DCDC1: variants seen among roughly 807,000 people sequenced by gnomAD.
The protein encoded by DCDC1 is doublecortin domain-containing protein 1.
A neutral mutation model predicts 178.3 loss-of-function variants in DCDC1; 200 were observed. The ratio of observed to expected loss-of-function variants is 1.12; its 90% confidence interval spans 1.00 to 1.26. The LOEUF is 1.26. DCDC1 is among the 50% of genes most tolerant of loss of function. DCDC1 has a pLI of 0.00. For synonymous variants in DCDC1, 690 were observed against 604.8 expected, an observed-to-expected ratio of 1.14 and a Z score of -2.07; for missense variants, 1,983 against 1,749.2, an observed-to-expected ratio of 1.13 and a Z score of -2.38.
chr11:30,966,231 GT>G (rs1949437041), intron 20 of DCDC1, among the ~76,000 whole-genome samples: 1 of 97,732 alleles, frequency 1.0e-5, no homozygotes, highest in African/African-American at 4.2e-5. Flanking sequence ...GTGTAAAAGT[GT>G]TCCTATTTCT....
chr11:31,127,918 T>C (rs1240021832), intron 10 of DCDC1, among the ~76,000 whole-genome samples: 1 of 152,138 alleles, frequency 6.6e-6, no homozygotes, highest in Non-Finnish European at 1.5e-5. Flanking sequence ...AAGAAACATA[T>C]ACATTTGACA....
chr11:30,946,960 T>C (rs1026054590), intron 21 of DCDC1, among the ~76,000 whole-genome samples: 3 of 152,084 alleles, frequency 2.0e-5, no homozygotes, highest in Non-Finnish European at 4.4e-5. Context: ...AAAACAAGAA[T>C]CACAACAGGC....
chr11:30,890,322 A>T lies in DCDC1; in HGVS notation c.5082+2496T>A, dbSNP rs186089396. On this transcript the variant is annotated intron_variant, in intron 36 of 38. Transcript: ENST00000684477. ...CTTCCAATTTCTCTGTCCATGGGGC[A>T]CCTATTTAATACGCTTTATGAATTC... Among the ~76,000 whole-genome samples the T allele has an allele frequency of 1.4e-3, 217 of 152,296 alleles. 1 individual carries two copies. The highest frequency in any genetic ancestry group is 5.1e-3 in the African/African-American group (211 of 41,572).
intron 32 of DCDC1, among the ~76,000 whole-genome samples, chr11:30,902,919 A>G (rs1254271124): frequency 6.6e-6 from 1 of 152,186 alleles, no homozygotes; most frequent in Non-Finnish European, 1.5e-5. Context: ...ACACAGCTAT[A>G]AACAGATCAT....
intron 27 of DCDC1, among the ~76,000 whole-genome samples, chr11:30,912,473 G>A (rs915112975): frequency 9.9e-5 from 15 of 151,908 alleles, no homozygotes; most frequent in African/African-American, 3.6e-4. Context: ...TAGTAGAGAC[G>A]GGGTTTCACC....
intron 8 of DCDC1, among the ~76,000 whole-genome samples, chr11:31,244,616 T>C (rs1159822056): frequency 6.6e-6 from 1 of 151,794 alleles, no homozygotes; most frequent in Non-Finnish European, 1.5e-5. Flanking sequence ...TCTGTTTGCA[T>C]GATTGTGGTA....
chr11:31,280,797 T>C, intron 7 of DCDC1: 1 of 615,240 alleles, frequency 1.6e-6, no homozygotes. Context: ...TCCATCAGTG[T>C]ATCCTCTCCC....
At chr11:31,250,415 C>CACACATATATATATAT (rs1223526182) in intron 8 of DCDC1, among the ~76,000 whole-genome samples, 2 of 73,670 alleles carry the variant, frequency 2.7e-5, no homozygotes, top group African/African-American at 1.0e-4. Flanking sequence ...CACACACACA[C>CACACATATATATATAT]ATATACATAT....
chr11:31,169,856 A>G (rs1221193003), intron 9 of DCDC1, among the ~76,000 whole-genome samples: 1 of 152,192 alleles, frequency 6.6e-6, no homozygotes, highest in Non-Finnish European at 1.5e-5. Flanking sequence ...GGATGCAACC[A>G]ACCTAGGTCT....
At chr11:31,026,419 T>C (rs1329823023) in intron 20 of DCDC1, among the ~76,000 whole-genome samples, 1 of 151,828 alleles carries the variant, frequency 6.6e-6, no homozygotes, top group African/African-American at 2.4e-5. Flanking sequence ...AAACTTACGA[T>C]ATTGTGCGGC....
chr11:31,104,378 T>C (rs1258439353), intron 13 of DCDC1, among the ~76,000 whole-genome samples: 2 of 152,214 alleles, frequency 1.3e-5, no homozygotes, highest in Non-Finnish European at 2.9e-5. Context: ...ACCTCTGCAG[T>C]CTTGTTGCCA....
At chr11:31,059,495 C>T (rs1387607573) in intron 20 of DCDC1, among the ~76,000 whole-genome samples, 1 of 152,000 alleles carries the variant, frequency 6.6e-6, no homozygotes, top group Admixed American at 6.6e-5. Context: ...AGCTGAGTAT[C>T]TTCAATAGCT....
chr11:31,353,621 T>C (rs182514235), intron 1 of DCDC1, among the ~76,000 whole-genome samples: 26 of 152,330 alleles, frequency 1.7e-4, no homozygotes, highest in African/African-American at 6.3e-4. Flanking sequence ...CTTTAGATAA[T>C]ATTTTCTTAA....
intron 20 of DCDC1, among the ~76,000 whole-genome samples, chr11:30,974,296 T>A (rs1949984824): frequency 6.8e-6 from 1 of 146,764 alleles, no homozygotes; most frequent in African/African-American, 2.5e-5. Flanking sequence ...AAGAAAGATT[T>A]CAAACAATCT....
At chr11:31,327,950 G>A (rs375582551) in intron 3 of DCDC1, among the ~76,000 whole-genome samples, 167 bp downstream of exon 3, 4 of 151,950 alleles carry the variant, frequency 2.6e-5, no homozygotes, top group South Asian at 2.1e-4. Context: ...GGCTGGTCTC[G>A]AACTTCTAAC....
chr11:30,936,388 T>G (rs1229459952), intron 21 of DCDC1, among the ~76,000 whole-genome samples: 1 of 152,188 alleles, frequency 6.6e-6, no homozygotes, highest in Non-Finnish European at 1.5e-5. Flanking sequence ...TGATATGCTT[T>G]TTGAGAGTTT....
At chr11:31,329,159 C>T (rs527829683) in intron 2 of DCDC1, among the ~76,000 whole-genome samples, 14 of 152,046 alleles carry the variant, frequency 9.2e-5, no homozygotes, top group African/African-American at 3.1e-4. Context: ...GCAAGCAGGG[C>T]TCTATTCTCC....
chr11:31,101,319 C>T (rs183728497), intron 15 of DCDC1, among the ~76,000 whole-genome samples: 322 of 152,164 alleles, frequency 2.1e-3, no homozygotes, highest in Admixed American at 4.8e-3. Flanking sequence ...ATAAGTATTC[C>T]TTCTTTGGAG....
intron 18 of DCDC1, among the ~76,000 whole-genome samples, chr11:31,066,642 A>T (rs1210085113): frequency 6.6e-6 from 1 of 152,206 alleles, no homozygotes; most frequent in African/African-American, 2.4e-5. Context: ...TTAAATGCAT[A>T]TTACTAAACA....
Sources: gnomAD v4.1 joint callset for allele counts (sites outside exome capture counted in the v4.1 genomes callset) on GRCh38, gnomAD v4.1.1 for gene constraint, MANE v1.5 for transcripts, NCBI Gene and HGNC (gene_info 2026-07-23, HGNC 2026-07-21) for gene names.